The following ABTB3 variants were observed in gnomAD, a reference collection of about 807,000 sequenced individuals.
The protein encoded by ABTB3 is ankyrin repeat- and BTB/POZ domain-containing protein 3.
chr12:107,343,776 G>C, the ABTB3 span, among the ~76,000 whole-genome samples: 1 of 152,194 alleles, frequency 6.6e-6, no homozygotes, highest in African/African-American at 2.4e-5. Flanking sequence ...GGGGAAGCAG[G>C]CACCGTCTTC....
At chr12:107,635,601 G>A in the ABTB3 span, among the ~76,000 whole-genome samples, 1 of 152,156 alleles carries the variant, frequency 6.6e-6, no homozygotes, top group African/African-American at 2.4e-5. Flanking sequence ...AGATTTGCCA[G>A]TTAAAGGGAC....
At chr12:107,608,956 T>TAA in the ABTB3 span, among the ~76,000 whole-genome samples, 1,589 of 65,586 alleles carry the variant, frequency 0.024, 54 homozygotes, top group African/African-American at 0.042. Context: ...TAAAATAAAA[T>TAA]ATAAAATAAA....
the ABTB3 span, among the ~76,000 whole-genome samples, chr12:107,422,430 G>A: frequency 6.6e-6 from 1 of 152,154 alleles, no homozygotes; most frequent in Admixed American, 6.5e-5. Context: ...TGAATGCATG[G>A]TTCCAAGCAG....
At chr12:107,429,811 C>T in the ABTB3 span, among the ~76,000 whole-genome samples, 5 of 152,208 alleles carry the variant, frequency 3.3e-5, no homozygotes, top group Non-Finnish European at 7.3e-5. Context: ...CAATGTCTGA[C>T]ATTGGTATCC....
At chr12:107,486,714 C>T in the ABTB3 span, 3 of 147,054 alleles carry the variant, frequency 2.0e-5, no homozygotes, top group Non-Finnish European at 4.5e-5. Context: ...TCCTCGGGAC[C>T]TCCAAGGGGC....
the ABTB3 span, among the ~76,000 whole-genome samples, chr12:107,503,116 C>G: frequency 6.6e-6 from 1 of 152,120 alleles, no homozygotes; most frequent in Non-Finnish European, 1.5e-5. Flanking sequence ...TGGGCAAGAG[C>G]CTTTATTATC....
At chr12:107,530,542 C>T in the ABTB3 span, among the ~76,000 whole-genome samples, 1 of 152,098 alleles carries the variant, frequency 6.6e-6, no homozygotes. Context: ...TTTTTTCTCC[C>T]TGGTATTTAC....
At chr12:107,461,145 A>G in the ABTB3 span, among the ~76,000 whole-genome samples, 1 of 152,140 alleles carries the variant, frequency 6.6e-6, no homozygotes, top group South Asian at 2.1e-4. Context: ...TAACCATCAG[A>G]TCTTGTGAGA....
the ABTB3 span, among the ~76,000 whole-genome samples, chr12:107,556,163 C>T: frequency 2.0e-5 from 3 of 150,916 alleles, no homozygotes; most frequent in Admixed American, 6.6e-5. Context: ...GGTGCGATCT[C>T]GGCTCACCGC....
the ABTB3 span, among the ~76,000 whole-genome samples, chr12:107,569,045 T>G: frequency 2.0e-4 from 30 of 152,328 alleles, no homozygotes; most frequent in African/African-American, 7.0e-4. Flanking sequence ...CAGGGTGATG[T>G]GAGTCCAAGT....
At chr12:107,460,798 G>A in the ABTB3 span, among the ~76,000 whole-genome samples, 1 of 152,214 alleles carries the variant, frequency 6.6e-6, no homozygotes, top group East Asian at 1.9e-4. Flanking sequence ...CTCAGAGAGG[G>A]TCCCAGTGGG....
the ABTB3 span, among the ~76,000 whole-genome samples, chr12:107,362,539 T>C: frequency 3.3e-5 from 5 of 152,186 alleles, no homozygotes; most frequent in African/African-American, 4.8e-5. Flanking sequence ...ACACCTGTAA[T>C]CCCAGCACTT....
the ABTB3 span, among the ~76,000 whole-genome samples, chr12:107,446,669 AG>A: frequency 6.6e-6 from 1 of 152,180 alleles, no homozygotes; most frequent in East Asian, 1.9e-4. Context: ...CCATCCCCAG[AG>A]TGACTAATGC....
chr12:107,338,883 C>T, the ABTB3 span, among the ~76,000 whole-genome samples: 103 of 152,224 alleles, frequency 6.8e-4, no homozygotes, highest in East Asian at 7.7e-3. Flanking sequence ...TGGCTATTCA[C>T]GGGTATAATC....
the ABTB3 span, among the ~76,000 whole-genome samples, chr12:107,589,716 A>G: frequency 3.3e-5 from 5 of 152,254 alleles, no homozygotes; most frequent in Non-Finnish European, 5.9e-5. Context: ...AAAGGTTCAC[A>G]GCCCGGACTT....
chr12:107,396,831 A>C, the ABTB3 span, among the ~76,000 whole-genome samples: 14 of 152,066 alleles, frequency 9.2e-5, no homozygotes, highest in Non-Finnish European at 1.9e-4. Context: ...CTTGATCTTG[A>C]ATTTGGGTCA....
At chr12:107,545,229 T>TTTTTTC in the ABTB3 span, among the ~76,000 whole-genome samples, 3 of 152,038 alleles carry the variant, frequency 2.0e-5, no homozygotes, top group East Asian at 1.9e-4. Context: ...TGCTGTTTCT[T>TTTTTTC]TTTTTCTTTT....
chr12:107,506,045 C>A, the ABTB3 span, among the ~76,000 whole-genome samples: 1 of 152,066 alleles, frequency 6.6e-6, no homozygotes, highest in South Asian at 2.1e-4. Flanking sequence ...TTTGGGTATA[C>A]CTAGTAATGG....
the ABTB3 span, among the ~76,000 whole-genome samples, chr12:107,634,455 CTG>C: frequency 1.3e-5 from 2 of 152,116 alleles, no homozygotes; most frequent in African/African-American, 4.8e-5. Context: ...ATGGTACAAA[CTG>C]TGTTGTAACC....
Sources: allele counts gnomAD v4.1 joint callset (sites outside exome capture counted in the v4.1 genomes callset), GRCh38; gene constraint gnomAD v4.1.1; transcripts MANE v1.5; gene names NCBI Gene and HGNC (gene_info 2026-07-23, HGNC 2026-07-21).